Variants in ARHGEF1 observed in about 807,000 individuals in gnomAD.
The protein encoded by ARHGEF1 is 115 kDa guanine nucleotide exchange factor.
Under a neutral mutation model 119.7 loss-of-function variants are expected in ARHGEF1, and 40 were observed. That is an observed-to-expected ratio of 0.33 (90% CI 0.26 to 0.44). The LOEUF is 0.44. ARHGEF1 is among the 20% of genes least tolerant of loss of function. The pLI, the probability that ARHGEF1 is intolerant of heterozygous loss-of-function variation, is 1.00. For missense variants in ARHGEF1, 976 were observed against 1,268.3 expected, an observed-to-expected ratio of 0.77 and a Z score of 3.50; for synonymous variants, 494 against 521.0, an observed-to-expected ratio of 0.95 and a Z score of 0.71.
intron 14 of ARHGEF1, chr19:41,900,854 G>C (rs1399285848): frequency 2.1e-5 from 3 of 142,974 alleles, no homozygotes; most frequent in Admixed American, 7.2e-5. Flanking sequence ...GCAGTGGCGT[G>C]ATCTCCGCTC....
intron 28 of ARHGEF1, 83 bp from the exon 29 acceptor site, chr19:41,907,022 C>T: frequency 8.4e-6 from 11 of 1,311,490 alleles, no homozygotes; most frequent in Non-Finnish European, 1.1e-5. Flanking sequence ...TCTCTCTGCT[C>T]TCCCTGTCTT....
downstream of ARHGEF1, chr19:41,909,503 C>T: frequency 8.0e-7 from 1 of 1,252,124 alleles, no homozygotes; most frequent in African/African-American, 1.5e-5. The surrounding 1 kb of genome is among the most constrained non-coding windows in gnomAD (Gnocchi z 5.2). Context: ...TGGGGAGGTG[C>T]AGGGGGAGCC....
At chr19:41,908,244 C>A (rs889833754), downstream of ARHGEF1, 14 of 1,231,614 alleles carry the variant, frequency 1.1e-5, no homozygotes, top group African/African-American at 3.1e-5. The surrounding 1 kb of genome is among the most constrained non-coding windows in gnomAD (Gnocchi z 6.7). Context: ...GCCGGTCCCC[C>A]CTTTGCCCGC....
chr19:41,909,787 A>T, downstream of ARHGEF1: 1 of 1,435,248 alleles, frequency 7.0e-7, no homozygotes, highest in Non-Finnish European at 9.4e-7. This position sits in a 1 kb window ranked among gnomAD's most constrained non-coding sequence, Gnocchi z 5.2. Flanking sequence ...AACCTGCCCC[A>T]GGATGCAGAG....
At chr19:41,891,225 G>A (rs2074371608) in intron 4 of ARHGEF1, among the ~76,000 whole-genome samples, 1 of 152,114 alleles carries the variant, frequency 6.6e-6, no homozygotes, top group South Asian at 2.1e-4. Flanking sequence ...AGTAGAGACA[G>A]GCTGCCTGGA....
In ARHGEF1 at chr19:41,916,407, ACT is replaced by A. The variant is rs2074802031; in HGVS notation, c.1866-6684_1866-6683del. On this transcript the variant is annotated intron_variant, in intron 18 of 20. Transcript: ENST00000599589. This position sits in a 1 kb window ranked among gnomAD's most constrained non-coding sequence, Gnocchi z 5.4. ...TGTGTCAGTAAAGTCACACACCAAC[ACT>A]GTCACAGTCACACACACACACATCA... 6.6e-6 allele frequency among the ~76,000 whole-genome samples: 1 copy of A among 152,104 alleles called. No individual in the cohort carries two copies. The highest frequency in any genetic ancestry group is 2.4e-5 in the African/African-American group (1 of 41,410).
chr19:41,911,816 G>A (rs746052959), downstream of ARHGEF1, among the ~76,000 whole-genome samples: 1 of 152,188 alleles, frequency 6.6e-6, no homozygotes, highest in African/African-American at 2.4e-5. Flanking sequence ...CAAATATGTT[G>A]TACCTATGAG....
chr19:41,907,706 T>A (rs1439607537), downstream of ARHGEF1: 11 of 299,194 alleles, frequency 3.7e-5, no homozygotes, highest in Admixed American at 3.4e-4. Flanking sequence ...ACCCCGAGTC[T>A]CACTCTCTGT....
intron 18 of ARHGEF1, among the ~76,000 whole-genome samples, chr19:41,914,207 GGC>G (rs2074772427): frequency 1.4e-5 from 2 of 144,072 alleles, no homozygotes; most frequent in Admixed American, 1.4e-4. Context: ...CCCTGTCCCA[GGC>G]CCCCTCTGTT....
intron 11 of ARHGEF1, 76 bp downstream of exon 11, chr19:41,894,737 AGGG>A (rs1555847170): frequency 7.4e-7 from 1 of 1,343,742 alleles, no homozygotes; most frequent in African/African-American, 7.6e-5. Flanking sequence ...CCTGGGTCTG[AGGG>A]AGGAGGGGCT....
chr19:41,910,433 G>A (rs995117800), downstream of ARHGEF1, among the ~76,000 whole-genome samples: 4 of 152,186 alleles, frequency 2.6e-5, no homozygotes, highest in African/African-American at 9.6e-5. The surrounding 1 kb of genome is among the most constrained non-coding windows in gnomAD (Gnocchi z 4.4). Context: ...AGGGGCACCC[G>A]CCTCCAACAG....
At position 41,917,902 on chromosome 19, in the gene ARHGEF1, G is replaced by A. The variant is rs782473099; in HGVS notation, c.1866-5190G>A. On this transcript the variant is annotated intron_variant, in intron 18 of 20. Coordinates refer to the ARHGEF1 transcript ENST00000599589. The surrounding 1 kb of genome is among the most constrained non-coding windows in gnomAD (Gnocchi z 4.8). The stretch of plus-strand genomic sequence containing the variant: ...ACCCTGTCCCATCTGGGTGCACGAA[G>A]CCAGCTCCCCGCGGTCACACACTGT... Among the ~76,000 whole-genome samples the A allele has an allele frequency of 2.0e-5, 3 of 151,898 alleles. No individual in the cohort carries two copies. The highest frequency in any genetic ancestry group is 4.8e-5 in the African/African-American group (2 of 41,268).
In ARHGEF1 at chr19:41,906,403, A is replaced by T. The variant is rs2074696012; in HGVS notation, c.2492-54A>T. The T allele has an allele frequency of 1.3e-6, 2 of 1,502,914 alleles. No individual in the cohort carries two copies. Among genetic ancestry groups the T allele is most frequent in the Non-Finnish European group, 1.8e-6 (2 of 1,126,228 alleles). The allele number at this position is 1,502,914 out of a possible 1,614,324, so 93.1% of individuals were successfully genotyped here. ...TCCCCTTTGGAATCCCCCATCCCAG[A>T]TCCCAGCCCAGCCCCCTGGTCTCCT... On this transcript the variant is annotated intron_variant, in intron 26 of 28. Coordinates refer to ENST00000354532, the MANE Select transcript of ARHGEF1 (RefSeq NM_004706.4). This position sits in a 1 kb window ranked among gnomAD's most constrained non-coding sequence, Gnocchi z 4.5.
At chr19:41,928,944 A>G (rs112980830) in exon 2 of ARHGEF1, 1 of 456,352 alleles carries the variant, frequency 2.2e-6, no homozygotes. Flanking sequence ...GCACACACGC[A>G]GCCTGGATAG....
intron 13 of ARHGEF1, chr19:41,897,669 T>C (rs1341406540): frequency 2.1e-5 from 6 of 287,086 alleles, no homozygotes; most frequent in Non-Finnish European, 3.9e-5. Flanking sequence ...TCTCCTCTCT[T>C]CTGTTGCATG....
At chr19:41,897,188 G>T in intron 13 of ARHGEF1, 1 of 962,370 alleles carries the variant, frequency 1.0e-6, no homozygotes, top group Non-Finnish European at 1.4e-6. Flanking sequence ...CCCCCTTACA[G>T]CTGGGGGGCA....
chr19:41,916,489 GAC>G lies in ARHGEF1; in HGVS notation c.1866-6599_1866-6598del, dbSNP rs1287790237. ...CACAGTTTTACACAAATACACACAT[GAC>G]ACATCAATTCAATCTCACACAGAAA... is the stretch of plus-strand genomic sequence containing the variant. On this transcript the variant is annotated intron_variant, in intron 18 of 20. Coordinates refer to the ARHGEF1 transcript ENST00000599589. The surrounding 1 kb of genome is among the most constrained non-coding windows in gnomAD (Gnocchi z 5.4). Among the ~76,000 whole-genome samples the G allele has an allele frequency of 1.3e-5, 2 of 151,790 alleles. No individual in the cohort carries two copies. Among genetic ancestry groups the G allele is most frequent in the Admixed American group, 1.3e-4 (2 of 15,244 alleles).
At chr19:41,893,350 AG>A (rs1226289365) in intron 8 of ARHGEF1, 47 bp downstream of exon 8, 6 of 1,337,294 alleles carry the variant, frequency 4.5e-6, no homozygotes, top group Non-Finnish European at 5.0e-6. Context: ...TTGAGGGAGG[AG>A]GGGGCTGAGG....
At chr19:41,897,928 C>T (rs2074539480) in intron 13 of ARHGEF1, 1 of 1,300,046 alleles carries the variant, frequency 7.7e-7, no homozygotes, top group Non-Finnish European at 9.7e-7. Flanking sequence ...TGACTCTGTC[C>T]TTGGCCTCGG....
Sources: allele counts gnomAD v4.1 joint callset (sites outside exome capture counted in the v4.1 genomes callset), GRCh38; gene constraint gnomAD v4.1.1; non-coding constraint Gnocchi (gnomAD v3.1); transcripts MANE v1.5; gene names NCBI Gene and HGNC (gene_info 2026-07-23, HGNC 2026-07-21).